PEX7: variants seen among roughly 807,000 people sequenced by gnomAD.
The protein encoded by PEX7 is PTS2 receptor.
Under a neutral mutation model 47.5 loss-of-function variants are expected in PEX7, and 34 were observed. The observed-to-expected ratio is 0.72, with a 90% CI of 0.54 to 0.95. PEX7 has a LOEUF of 0.95. Among genes scored for constraint, PEX7 ranks in the 40% least tolerant of loss-of-function variants. The pLI, the probability that PEX7 is intolerant of heterozygous loss-of-function variation, is 0.00. For synonymous variants in PEX7, 141 were observed against 148.8 expected, an observed-to-expected ratio of 0.95 and a Z score of 0.38; for missense variants, 394 against 400.3, an observed-to-expected ratio of 0.98 and a Z score of 0.13.
chr6:136,870,755 G>C (rs374874321), intron 7 of PEX7: 5 of 406,196 alleles, frequency 1.2e-5, no homozygotes, highest in African/African-American at 1.1e-4. Context: ...CTGTCACCCA[G>C]ACACGATCTC....
chr6:136,831,798 C>G (rs146440712), intron 3 of PEX7, among the ~76,000 whole-genome samples: 94 of 152,380 alleles, frequency 6.2e-4, no homozygotes, highest in African/African-American at 2.2e-3. Context: ...CCTTTGACTC[C>G]ATATCTCACA....
intron 1 of PEX7, 121 bp downstream of exon 1, chr6:136,822,916 G>C: frequency 1.6e-6 from 2 of 1,213,516 alleles, no homozygotes; most frequent in South Asian, 7.3e-5. Context: ...GCGGGTCCAC[G>C]CCAGGGGGCA....
At chr6:136,884,224 CTGAT>C (rs1582769335) in intron 8 of PEX7, among the ~76,000 whole-genome samples, 1 of 152,144 alleles carries the variant, frequency 6.6e-6, no homozygotes, top group African/African-American at 2.4e-5. Flanking sequence ...GTGGTGACCA[CTGAT>C]TGGAAAGGTC....
intron 5 of PEX7, among the ~76,000 whole-genome samples, chr6:136,857,955 C>T (rs1217413438): frequency 6.6e-6 from 1 of 152,030 alleles, no homozygotes; most frequent in South Asian, 2.1e-4. Flanking sequence ...CTAGCTAGGG[C>T]CACAGGTGTG....
intron 5 of PEX7, among the ~76,000 whole-genome samples, chr6:136,856,186 T>C (rs1774858841): frequency 6.6e-6 from 1 of 151,940 alleles, no homozygotes; most frequent in South Asian, 2.1e-4. Context: ...AGAATGACTG[T>C]TTGCTTCTGT....
chr6:136,882,979 T>A (rs1775403022), intron 8 of PEX7, among the ~76,000 whole-genome samples: 1 of 152,230 alleles, frequency 6.6e-6, no homozygotes, highest in Admixed American at 6.5e-5. Flanking sequence ...ATAAAATGGA[T>A]CTACATCACT....
Position 136,866,650 on chromosome 6 carries a change from G to A in PEX7, c.550G>A (p.Asp184Asn). 1 of 1,614,060 alleles carries A rather than the reference G, an allele frequency of 6.2e-7. No homozygotes were observed. The change falls in exon 6 of 10, where the codon GAT becomes AAT. Residue 184 changes from aspartate (D) to asparagine (N), a missense_variant. Coordinates refer to ENST00000318471, the MANE Select transcript of PEX7 (RefSeq NM_000288.4). ...AGGTGATCAGACTCTGAGAATATGG[G>A]ATGTGAAGGCAGCAGGAGTAAGAAT... ...ASGDQTLRIW[D>N]VKAAGVRIVI... is the part of the protein sequence containing the mutation.
intron 8 of PEX7, among the ~76,000 whole-genome samples, chr6:136,874,536 A>G (rs1298080691): frequency 4.0e-5 from 6 of 151,658 alleles, no homozygotes; most frequent in African/African-American, 1.5e-4. Flanking sequence ...GCCACGCATG[A>G]TGGCAGGTGC....
At chr6:136,896,879 C>T (rs1487624899) in intron 8 of PEX7, among the ~76,000 whole-genome samples, 2 of 152,020 alleles carry the variant, frequency 1.3e-5, no homozygotes, top group Non-Finnish European at 2.9e-5. Flanking sequence ...TTATCGGGAC[C>T]CAGAAAATTA....
intron 8 of PEX7, among the ~76,000 whole-genome samples, chr6:136,876,800 T>C (rs1049900716): frequency 2.0e-5 from 3 of 152,212 alleles, no homozygotes; most frequent in African/African-American, 7.2e-5. Context: ...AATAAACATA[T>C]GTGTGCATGT....
intron 5 of PEX7, among the ~76,000 whole-genome samples, chr6:136,863,286 T>C (rs1293473826): frequency 6.6e-6 from 1 of 152,174 alleles, no homozygotes; most frequent in East Asian, 1.9e-4. Flanking sequence ...GCCTGTCAGC[T>C]GTGGTCTGAG....
chr6:136,860,022 A>G (rs984340978), intron 5 of PEX7, among the ~76,000 whole-genome samples: 4 of 152,038 alleles, frequency 2.6e-5, no homozygotes, highest in African/African-American at 9.7e-5. Flanking sequence ...CAGAAAAAAA[A>G]AAAAAGAAAA....
intron 8 of PEX7, among the ~76,000 whole-genome samples, chr6:136,876,782 A>G (rs1404974296): frequency 2.0e-5 from 3 of 152,232 alleles, no homozygotes; most frequent in Non-Finnish European, 2.9e-5. Flanking sequence ...TATTGTGAAC[A>G]GTGCTGCAAT....
intron 8 of PEX7, among the ~76,000 whole-genome samples, chr6:136,887,409 C>T (rs1209122320): frequency 2.6e-5 from 4 of 152,088 alleles, no homozygotes; most frequent in Non-Finnish European, 5.9e-5. Flanking sequence ...CAGAGCCTGG[C>T]CCATATCTGG....
intron 8 of PEX7, among the ~76,000 whole-genome samples, chr6:136,879,253 T>A (rs1328077001): frequency 6.6e-6 from 1 of 152,208 alleles, no homozygotes; most frequent in Non-Finnish European, 1.5e-5. Flanking sequence ...TAAGTTTCCC[T>A]CATTATCTGA....
chr6:136,852,144 T>G (rs965718490), intron 5 of PEX7, among the ~76,000 whole-genome samples: 1 of 148,964 alleles, frequency 6.7e-6, no homozygotes, highest in Admixed American at 6.8e-5. Context: ...GGTCTAACGT[T>G]TAAATCTTTA....
At position 136,913,488 on chromosome 6, in the gene PEX7, A is replaced by G. The variant is rs2115300138; in HGVS notation, c.934A>G (p.Lys312Glu). Residue 312 changes from lysine (K) to glutamate (E), a missense_variant, in exon 10 of 10, where the codon AAG becomes GAG. Lys to Glu is a moderately conservative substitution (Grantham distance 56). Transcript: ENST00000318471. ...TGACTGTTCTTGGGATGAAACAATA[A>G]AGATCTATGACCCTGCTTGTCTTAC... The part of the protein sequence containing the change: ...VADCSWDETI[K>E]IYDPACLTIP... The G allele has an allele frequency of 1.2e-6, 2 of 1,612,742 alleles. No individual in the cohort carries two copies. Among genetic ancestry groups the G allele is most frequent in the Admixed American group, 3.3e-5 (2 of 60,014 alleles).
rs142092961 is a variant in PEX7, at chr6:136,863,781, C to T, written c.527-2846C>T. On this transcript the variant is annotated intron_variant, in intron 5 of 9. Coordinates refer to ENST00000318471, the MANE Select transcript of PEX7 (RefSeq NM_000288.4). Reference sequence around the variant, plus strand: ...AAATTAGCAGGGGCATGGTGGTGTGCGCTTGTAGTCGCAGCTACTTGGGAG... The same window carrying T: ...AAATTAGCAGGGGCATGGTGGTGTGTGCTTGTAGTCGCAGCTACTTGGGAG... Among the ~76,000 whole-genome samples the T allele has an allele frequency of 5.4e-4, 82 of 152,126 alleles. 3 individuals carry two copies. In the East Asian group the frequency reaches 0.014, roughly 26 times the overall value.
intron 9 of PEX7, among the ~76,000 whole-genome samples, chr6:136,902,203 C>T (rs1562758216): frequency 6.6e-6 from 1 of 152,156 alleles, no homozygotes; most frequent in East Asian, 1.9e-4. Context: ...AAGTATCTTT[C>T]TCTCACCTCT....
Sources: gnomAD v4.1 joint callset for allele counts (sites outside exome capture counted in the v4.1 genomes callset) on GRCh38, gnomAD v4.1.1 for gene constraint, MANE v1.5 for transcripts, NCBI Gene and HGNC (gene_info 2026-07-23, HGNC 2026-07-21) for gene names.